SLF1: variants seen among roughly 807,000 people sequenced by gnomAD.
SLF1 encodes SMC5-SMC6 complex localization factor protein 1.
A neutral mutation model predicts 123.0 loss-of-function variants in SLF1; 105 were observed. That is an observed-to-expected ratio of 0.85 (90% CI 0.73 to 1.00). SLF1 has a LOEUF of 1.00. Among genes scored for constraint, SLF1 ranks in the 50% least tolerant of loss-of-function variants. SLF1 has a pLI of 0.00. For synonymous variants in SLF1, 434 were observed against 406.6 expected (o/e 1.07, Z -0.81); for missense variants, 1,239 against 1,223.0 (o/e 1.01, Z -0.20).
At chr5:94,628,510 A>G (rs1744845720) in intron 1 of SLF1, among the ~76,000 whole-genome samples, 1 of 152,240 alleles carries the variant, frequency 6.6e-6, no homozygotes. Flanking sequence ...TCATTTTCTG[A>G]AGAAGTATAT....
rs758778890 is a variant in SLF1, at chr5:94,662,343, A to G, written c.1201A>G (p.Asn401Asp). 2.8e-5 allele frequency: 44 copies of G among 1,548,834 alleles called. No homozygotes were observed. Among genetic ancestry groups the G allele is most frequent in the Non-Finnish European group, 3.8e-5 (44 of 1,145,546 alleles). Residue 401 changes from asparagine to aspartate, a missense_variant, in exon 10 of 21, where the codon AAC becomes GAC. Transcript: ENST00000265140. ...TAGAATAGATAAACAACCAGTGTAC[A>G]ACGTAGAGGTAAGGGGCTTGGAGCA... is the stretch of plus-strand genomic sequence containing the variant. ...CIRIDKQPVY[N>D]VEVKNAEFPR...
intron 16 of SLF1, among the ~76,000 whole-genome samples, chr5:94,688,026 CTT>C: frequency 7.9e-6 from 1 of 126,064 alleles, no homozygotes; most frequent in African/African-American, 3.1e-5. Context: ...TAATATCTAT[CTT>C]TAGATATTAA....
At chr5:94,662,247 T>C (rs1315596461) in intron 9 of SLF1, 51 bp from the exon 10 acceptor site, 19 of 1,473,472 alleles carry the variant, frequency 1.3e-5, no homozygotes. Context: ...AGCTGAAATG[T>C]ATTTTTCAAT....
rs912736037 is a variant in SLF1 at position 94,670,100 on chromosome 5, G to A, written c.1533-51G>A. On this transcript the variant is annotated intron_variant, in intron 12 of 20. Transcript: ENST00000265140. ...AAGGAGAAATATTTTGTTCACAAAT[G>A]ACTTAGTGAATTGCTTGTATGTTAT... The A allele has an allele frequency of 1.3e-4, 198 of 1,473,278 alleles. No homozygotes were observed. The African/African-American group carries it at 2.5e-3, about 18-fold the overall frequency. 91.3% of individuals were successfully genotyped at this position (1,473,278 alleles called of 1,614,324 possible). A position where few individuals can be genotyped will look rare whatever the true frequency, so the allele number is the denominator to read the frequency against.
intron 1 of SLF1, among the ~76,000 whole-genome samples, chr5:94,623,683 T>TA (rs1267533607): frequency 6.6e-6 from 1 of 152,108 alleles, no homozygotes; most frequent in Admixed American, 6.5e-5. Context: ...ACCTCAGACA[T>TA]ATCACTTACA....
rs917877740 is a variant in SLF1, at chr5:94,666,066, A to G, written c.1532+42A>G. ...TTGACGATGCTACATTTCATTGAGTAGTTGTTATGCTAATTATTTTTTTAA... is the reference window on the plus strand; with the variant it reads ...TTGACGATGCTACATTTCATTGAGTGGTTGTTATGCTAATTATTTTTTTAA... On this transcript the variant is annotated intron_variant, in intron 12 of 20. Coordinates refer to ENST00000265140, the MANE Select transcript of SLF1 (RefSeq NM_032290.4). The G allele has an allele frequency of 7.5e-6, 11 of 1,470,186 alleles. No individual in the cohort carries two copies. In the East Asian group the frequency reaches 2.7e-4, roughly 36 times the overall value. 91.1% of individuals were successfully genotyped at this position (1,470,186 alleles called of 1,614,324 possible). A position where few individuals can be genotyped will look rare whatever the true frequency, so the allele number is the denominator to read the frequency against.
Position 94,627,474 on chromosome 5 carries a change from A to G in SLF1, c.1-1337A>G, listed in dbSNP as rs559262866. 4.0e-5 allele frequency among the ~76,000 whole-genome samples: 6 copies of G among 151,808 alleles called. No homozygotes were observed. In the South Asian group the frequency reaches 1.2e-3, roughly 32 times the overall value. On this transcript the variant is annotated intron_variant, in intron 1 of 20. Transcript: ENST00000265140. ...AAACACAAAGTACTTTTTGTGAACTACATTAAAATATGGATTAAGGTCCCT... is the reference window on the plus strand; with the variant it reads ...AAACACAAAGTACTTTTTGTGAACTGCATTAAAATATGGATTAAGGTCCCT...
chr5:94,667,458 T>C (rs1426061381), intron 12 of SLF1, among the ~76,000 whole-genome samples: 1 of 152,242 alleles, frequency 6.6e-6, no homozygotes, highest in East Asian at 1.9e-4. Context: ...ATCTTGGGTC[T>C]ACTTTTTTCC....
intron 18 of SLF1, 162 bp from the exon 19 acceptor site, chr5:94,691,402 C>T: frequency 4.5e-6 from 1 of 220,576 alleles, no homozygotes; most frequent in Middle Eastern, 1.8e-3. Flanking sequence ...CACCCCCCAC[C>T]CCCGCCTTTT....
At chr5:94,689,353 TTGAA>T (rs1380367096) in intron 17 of SLF1, 116 bp from the exon 18 acceptor site, 3 of 997,998 alleles carry the variant, frequency 3.0e-6, no homozygotes, top group East Asian at 2.8e-5. Context: ...GCAGTAAAGA[TTGAA>T]TGAGTAAGGG....
chr5:94,687,415 G>T (rs1470400082), intron 16 of SLF1, among the ~76,000 whole-genome samples: 5 of 152,204 alleles, frequency 3.3e-5, no homozygotes, highest in African/African-American at 1.2e-4. Context: ...GAAATTTTAA[G>T]GCCGAGCATG....
intron 19 of SLF1, 49 bp downstream of exon 19, chr5:94,691,705 T>C: frequency 2.2e-6 from 3 of 1,383,394 alleles, no homozygotes; most frequent in Non-Finnish European, 3.0e-6. Context: ...ATATTTGTGA[T>C]ATTAAACAGT....
chr5:94,649,080 G>GA (rs939283558), intron 5 of SLF1, among the ~76,000 whole-genome samples: 6 of 152,088 alleles, frequency 3.9e-5, no homozygotes, highest in Non-Finnish European at 8.8e-5. Context: ...GGAAAAAACT[G>GA]AAAAATAATC....
At chr5:94,673,691 TAA>T (rs35649653) in intron 14 of SLF1, among the ~76,000 whole-genome samples, 18,746 of 119,616 alleles carry the variant, frequency 0.16, 1,444 homozygotes, top group East Asian at 0.31. Context: ...CCTTGTCTCT[TAA>T]AAAAAAAAAA....
chr5:94,661,144 C>G (rs1749051057), intron 9 of SLF1, among the ~76,000 whole-genome samples: 1 of 152,158 alleles, frequency 6.6e-6, no homozygotes, highest in Admixed American at 6.5e-5. Context: ...AGCGTGTACT[C>G]TTTCTTTGGA....
intron 4 of SLF1, among the ~76,000 whole-genome samples, chr5:94,637,644 A>G (rs887713423): frequency 1.3e-5 from 2 of 152,094 alleles, no homozygotes; most frequent in African/African-American, 4.8e-5. Context: ...TGGGCTTTGA[A>G]GCTAAGCTGA....
At chr5:94,671,800 G>GT (rs1050973303) in intron 14 of SLF1, among the ~76,000 whole-genome samples, 26 of 149,206 alleles carry the variant, frequency 1.7e-4, no homozygotes, top group African/African-American at 3.7e-4. Flanking sequence ...AGAGTGCTCT[G>GT]TTTTTTTTCA....
Position 94,688,544 on chromosome 5 carries a change from G to T in SLF1, c.2160G>T (p.Val720=). The T allele has an allele frequency of 2.5e-6, 4 of 1,614,086 alleles. No homozygotes were observed. Among genetic ancestry groups the T allele is most frequent in the Non-Finnish European group, 3.4e-6 (4 of 1,179,974 alleles). The change falls in exon 17 of 21, where the codon GTG becomes GTT. Residue 720 remains valine (V), a synonymous_variant. Transcript: ENST00000265140. ...TACCAGCCTTGGGGAAAACTGGTGT[G>T]CTTGGGTCTGGAAAGATTCAGGTGT... ...SYLPALGKTG[V]LGSGKIQVSK...
At chr5:94,658,811 CT>C (rs77293670) in intron 9 of SLF1, among the ~76,000 whole-genome samples, 33,782 of 151,772 alleles carry the variant, frequency 0.22, 3,881 homozygotes, top group East Asian at 0.34. Flanking sequence ...GTCATTTAGG[CT>C]TTTTTTTCGT....
Sources: gnomAD v4.1 joint callset for allele counts (sites outside exome capture counted in the v4.1 genomes callset) on GRCh38, gnomAD v4.1.1 for gene constraint, MANE v1.5 for transcripts, NCBI Gene and HGNC (gene_info 2026-07-23, HGNC 2026-07-21) for gene names.